KIF13B: variants seen among roughly 807,000 people sequenced by gnomAD.
The protein encoded by KIF13B is kinesin family member 13B.
KIF13B carries 127 observed loss-of-function variants against 222.0 expected under a neutral mutation model. The observed-to-expected ratio is 0.57, with a 90% CI of 0.50 to 0.66. The LOEUF (loss-of-function observed/expected upper bound fraction) is 0.66. Among genes scored for constraint, KIF13B ranks in the 30% least tolerant of loss-of-function variants. The pLI is 0.00. For missense variants in KIF13B, 2,173 were observed against 2,379.0 expected (o/e 0.91, Z 1.80); for synonymous variants, 976 against 919.0 (o/e 1.06, Z -1.12).
intron 3 of KIF13B, among the ~76,000 whole-genome samples, chr8:29,193,016 C>T (rs1169867128): frequency 6.6e-6 from 1 of 152,244 alleles, no homozygotes; most frequent in South Asian, 2.1e-4. Flanking sequence ...AGGCAGATAA[C>T]CCTGGCAGCA....
intron 8 of KIF13B, among the ~76,000 whole-genome samples, chr8:29,178,037 CA>C (rs1812555354): frequency 6.6e-6 from 1 of 152,142 alleles, no homozygotes; most frequent in Non-Finnish European, 1.5e-5. Context: ...GAAAACTGTA[CA>C]ATCTAACGGT....
rs755282336 is a variant in KIF13B at position 29,109,906 on chromosome 8, C to A, written c.4083+12G>T. The A allele has an allele frequency of 1.2e-6, 2 of 1,612,224 alleles. No homozygotes were observed. The highest frequency in any genetic ancestry group is 1.7e-5 in the Admixed American group (1 of 59,868). On this transcript the variant is annotated intron_variant, in intron 33 of 39. Coordinates refer to ENST00000524189, the MANE Select transcript of KIF13B (RefSeq NM_015254.4). ...GCCTCTGCTGCCCGCCCTATCCATG[C>A]GGTTGGCTAACCTGGCGCAGACGAT... is the stretch of plus-strand genomic sequence containing the variant.
chr8:29,256,817 C>CGG (rs1196392839), intron 1 of KIF13B, among the ~76,000 whole-genome samples: 6 of 152,100 alleles, frequency 3.9e-5, no homozygotes, highest in Non-Finnish European at 8.8e-5. Flanking sequence ...TGCAGTGGTG[C>CGG]GATTTCAGCT....
chr8:29,200,085 C>G (rs902000615), intron 2 of KIF13B, among the ~76,000 whole-genome samples: 52 of 152,112 alleles, frequency 3.4e-4, no homozygotes, highest in Non-Finnish European at 2.1e-4. Flanking sequence ...CCTGAATTCA[C>G]ATCATCATAA....
chr8:29,087,883 C>G (rs1026389776), intron 37 of KIF13B, among the ~76,000 whole-genome samples: 1 of 151,706 alleles, frequency 6.6e-6, no homozygotes, highest in African/African-American at 2.4e-5. Flanking sequence ...GCCTGGGCAA[C>G]AGAGCGAGAC....
chr8:29,249,941 A>C, intron 1 of KIF13B: 1 of 846,372 alleles, frequency 1.2e-6, no homozygotes, highest in Non-Finnish European at 1.7e-6. Context: ...GCTGCAAGAA[A>C]GTCTCAGCCA....
chr8:29,156,505 C>T (rs1811532135), intron 13 of KIF13B, among the ~76,000 whole-genome samples: 1 of 151,726 alleles, frequency 6.6e-6, no homozygotes, highest in African/African-American at 2.4e-5. Context: ...GTCTTAGTCA[C>T]TTATTTTTTA....
At chr8:29,123,253 T>C (rs190415301) in intron 28 of KIF13B, 113 bp downstream of exon 28, 106 of 1,173,640 alleles carry the variant, frequency 9.0e-5, no homozygotes, top group Non-Finnish European at 1.2e-4. Flanking sequence ...TAAACAACAT[T>C]TCCCCCCATG....
chr8:29,240,030 A>C (rs1039637172), intron 2 of KIF13B, among the ~76,000 whole-genome samples: 1 of 150,638 alleles, frequency 6.6e-6, no homozygotes, highest in African/African-American at 2.5e-5. Context: ...AAAGAAACAC[A>C]AAAGAGGAAA....
chr8:29,136,215 T>C (rs1810548350), intron 21 of KIF13B, among the ~76,000 whole-genome samples: 2 of 152,222 alleles, frequency 1.3e-5, no homozygotes, highest in Non-Finnish European at 2.9e-5. Flanking sequence ...TAAATATTTA[T>C]ATTATTTAAG....
chr8:29,167,342 C>G (rs1812048655), intron 11 of KIF13B, 31 bp downstream of exon 11: 2 of 1,552,386 alleles, frequency 1.3e-6, no homozygotes, highest in East Asian at 4.5e-5. Flanking sequence ...TCTTCCTGGA[C>G]TCACAGGGCG....
chr8:29,200,694 T>A (rs1438383480), intron 2 of KIF13B, among the ~76,000 whole-genome samples: 1 of 152,236 alleles, frequency 6.6e-6, no homozygotes, highest in Non-Finnish European at 1.5e-5. Context: ...TGTCCTTTTT[T>A]TGGTCCAAGA....
intron 2 of KIF13B, among the ~76,000 whole-genome samples, chr8:29,236,442 T>C (rs1815511304): frequency 6.6e-6 from 1 of 152,190 alleles, no homozygotes; most frequent in Admixed American, 6.6e-5. Context: ...CTGCCTAAAT[T>C]GGCATATCTT....
chr8:29,245,301 A>T, intron 2 of KIF13B, 45 bp downstream of exon 2: 1 of 1,332,202 alleles, frequency 7.5e-7, no homozygotes, highest in Non-Finnish European at 1.1e-6. Context: ...AGTTGCTTCC[A>T]GTTACTTAAA....
At chr8:29,220,630 A>G (rs1040462124) in intron 2 of KIF13B, among the ~76,000 whole-genome samples, 3 of 152,156 alleles carry the variant, frequency 2.0e-5, no homozygotes, top group African/African-American at 7.2e-5. Flanking sequence ...GAGAAGGACG[A>G]GGAAGCCTAA....
chr8:29,116,994 G>A lies in KIF13B; in HGVS notation c.3674C>T (p.Ala1225Val). 1 of 1,581,506 alleles carries A rather than the reference G, an allele frequency of 6.3e-7. No homozygotes were observed. The highest frequency in any genetic ancestry group is 8.6e-7 in the Non-Finnish European group (1 of 1,158,438). The change falls in exon 31 of 40, where the codon GCC becomes GTC. Residue 1225 changes from alanine to valine, a missense_variant. By Grantham distance (64) the Ala-to-Val change is moderately conservative. Coordinates refer to ENST00000524189, the MANE Select transcript of KIF13B (RefSeq NM_015254.4). ...KQHDGEVKAE[A>V]SWDSAVHGCP... is the part of the protein sequence containing the mutation. The stretch of plus-strand genomic sequence containing the variant: ...GCCATGCACCGCGGAGTCCCAGGAG[G>A]CTTCTGCTTTCACCTGGAGAGAAGA...
intron 2 of KIF13B, among the ~76,000 whole-genome samples, chr8:29,225,523 CTG>C (rs1814982213): frequency 6.6e-6 from 1 of 152,158 alleles, no homozygotes; most frequent in South Asian, 2.1e-4. Context: ...TGTGCCCTGC[CTG>C]CCAAGCATCA....
At chr8:29,252,727 A>G (rs1816330123) in intron 1 of KIF13B, among the ~76,000 whole-genome samples, 1 of 152,204 alleles carries the variant, frequency 6.6e-6, no homozygotes, top group Admixed American at 6.5e-5. Flanking sequence ...TTTATGTAGG[A>G]AGGACTTGTT....
chr8:29,250,383 C>T (rs1816230879), intron 1 of KIF13B, among the ~76,000 whole-genome samples: 1 of 152,200 alleles, frequency 6.6e-6, no homozygotes, highest in Non-Finnish European at 1.5e-5. Context: ...GCTTCTCCCT[C>T]TGCCACCCCC....
Sources: allele counts gnomAD v4.1 joint callset (sites outside exome capture counted in the v4.1 genomes callset), GRCh38; gene constraint gnomAD v4.1.1; transcripts MANE v1.5; gene names NCBI Gene and HGNC (gene_info 2026-07-23, HGNC 2026-07-21).